ROBO2: variants seen among roughly 807,000 people sequenced by gnomAD.
ROBO2 encodes the protein roundabout homolog 2.
In ROBO2, 53 loss-of-function variants were observed where a neutral mutation model predicts 160.8. The ratio of observed to expected loss-of-function variants is 0.33; its 90% CI spans 0.26 to 0.41. ROBO2 has a LOEUF of 0.41. Ranked by LOEUF, ROBO2 falls within the 10% of genes least tolerant of loss-of-function variation. ROBO2 has a pLI of 1.00. For synonymous variants in ROBO2, 664 were observed against 611.7 expected (o/e 1.09, Z -1.26); for missense variants, 1,577 against 1,722.4 (o/e 0.92, Z 1.49).
At chr3:76,108,305 A>G (rs11918411) in intron 2 of ROBO2, among the ~76,000 whole-genome samples, 1 of 151,772 alleles carries the variant, frequency 6.6e-6, no homozygotes, top group Non-Finnish European at 1.5e-5. Flanking sequence ...TTTAGTTGTT[A>G]TTATTTAGCA....
intron 2 of ROBO2, among the ~76,000 whole-genome samples, chr3:75,979,645 G>A (rs2065224884): frequency 6.6e-6 from 1 of 151,512 alleles, no homozygotes. Flanking sequence ...TCCAAAATAA[G>A]TTGGGTGCTT....
intron 2 of ROBO2, among the ~76,000 whole-genome samples, chr3:76,144,317 C>T (rs187744974): frequency 6.6e-6 from 1 of 151,862 alleles, no homozygotes; most frequent in East Asian, 1.9e-4. Flanking sequence ...TGATAGGCCT[C>T]GATATTTGAA....
rs148615370 is a variant in ROBO2, at chr3:77,214,297, C to G, written c.388+115957C>G. Among the ~76,000 whole-genome samples, 180 of 152,246 alleles carry G rather than the reference C, an allele frequency of 1.2e-3. 2 individuals carry two copies. The highest frequency in any genetic ancestry group is 4.3e-3 in the African/African-American group (178 of 41,548). ...GTGCATATATATTTAGGACAGTTAG[C>G]TCTTCTTGTTGAATTGATCCCTTTC... On this transcript the variant is annotated intron_variant, in intron 2 of 25. Transcript: ENST00000461745.
chr3:76,749,024 G>A (rs2093937114), intron 2 of ROBO2, among the ~76,000 whole-genome samples: 1 of 151,314 alleles, frequency 6.6e-6, no homozygotes, highest in South Asian at 2.1e-4. Context: ...ATGCTATTAT[G>A]GTAGAATATT....
At chr3:77,551,907 G>T (rs1033860079) in intron 8 of ROBO2, among the ~76,000 whole-genome samples, 1 of 151,952 alleles carries the variant, frequency 6.6e-6, no homozygotes, top group Non-Finnish European at 1.5e-5. Flanking sequence ...TTTAATATCT[G>T]TTCATGGTAT....
At chr3:76,023,617 A>T (rs2066642091) in intron 2 of ROBO2, among the ~76,000 whole-genome samples, 1 of 151,636 alleles carries the variant, frequency 6.6e-6, no homozygotes, top group Non-Finnish European at 1.5e-5. Flanking sequence ...AACAATTACA[A>T]TAGTGACATA....
At chr3:76,643,201 A>G (rs533920496) in intron 2 of ROBO2, among the ~76,000 whole-genome samples, 59 of 152,316 alleles carry the variant, frequency 3.9e-4, no homozygotes, top group Middle Eastern at 3.4e-3. Flanking sequence ...TAGTAAAAAA[A>G]TGTAATTGTT....
chr3:77,380,939 C>CG (rs2073371821), intron 2 of ROBO2, among the ~76,000 whole-genome samples: 1 of 151,870 alleles, frequency 6.6e-6, no homozygotes, highest in Non-Finnish European at 1.5e-5. Flanking sequence ...TCTTTCTCCC[C>CG]GTGAAACTGG....
rs559199453 is a variant in ROBO2 at position 76,775,257 on chromosome 3, C to T, written c.110-322757C>T. Among the ~76,000 whole-genome samples the T allele has an allele frequency of 7.3e-5, 11 of 150,606 alleles. No individual in the cohort carries two copies. The South Asian group carries it at 1.9e-3, about 26-fold the overall frequency. On this transcript the variant is annotated intron_variant, in intron 2 of 26. Transcript: ENST00000487694. The stretch of plus-strand genomic sequence containing the variant: ...TACTGTTTTGACAGGCTTACTGTTG[C>T]GCATCTTGAAGTTATATAATTACCT...
At chr3:76,047,913 C>CA (rs1316335237) in intron 2 of ROBO2, among the ~76,000 whole-genome samples, 1 of 152,182 alleles carries the variant, frequency 6.6e-6, no homozygotes, top group African/African-American at 2.4e-5. Flanking sequence ...ATTGAAGTTA[C>CA]AACTTTGGAG....
At chr3:77,482,336 C>A (rs569333275) in intron 4 of ROBO2, among the ~76,000 whole-genome samples, 1 of 152,258 alleles carries the variant, frequency 6.6e-6, no homozygotes, top group South Asian at 2.1e-4. Context: ...CCCAGAGAAA[C>A]GTATTTTGCT....
At chr3:76,833,940 T>C (rs1050011370) in intron 2 of ROBO2, among the ~76,000 whole-genome samples, 2 of 142,430 alleles carry the variant, frequency 1.4e-5, no homozygotes, top group Non-Finnish European at 3.2e-5. Flanking sequence ...CTTCCTTCCT[T>C]CTTTTTTTCT....
At chr3:77,200,196 C>T (rs963735129) in intron 2 of ROBO2, among the ~76,000 whole-genome samples, 13 of 140,874 alleles carry the variant, frequency 9.2e-5, no homozygotes, top group African/African-American at 3.4e-4. Context: ...GTTTTTCCAA[C>T]ATTTTAAAAT....
intron 2 of ROBO2, among the ~76,000 whole-genome samples, chr3:76,195,621 C>T (rs141722529): frequency 6.6e-6 from 1 of 152,230 alleles, no homozygotes; most frequent in African/African-American, 2.4e-5. Context: ...GTTTAATAGG[C>T]ACATAAAGGA....
chr3:77,306,365 C>T (rs2063091751), intron 2 of ROBO2, among the ~76,000 whole-genome samples: 1 of 152,078 alleles, frequency 6.6e-6, no homozygotes, highest in South Asian at 2.1e-4. Context: ...CATTCATATA[C>T]ACCTTTTTAA....
chr3:76,197,005 G>A (rs1411534011), intron 2 of ROBO2, among the ~76,000 whole-genome samples: 7 of 152,230 alleles, frequency 4.6e-5, no homozygotes, highest in Admixed American at 4.6e-4. Flanking sequence ...TGCTTCTAGT[G>A]CAAATTGAAT....
At chr3:76,696,916 T>C (rs1287949570) in intron 2 of ROBO2, among the ~76,000 whole-genome samples, 1 of 152,332 alleles carries the variant, frequency 6.6e-6, no homozygotes, top group Non-Finnish European at 1.5e-5. Flanking sequence ...AATGATTTTT[T>C]CTGTTTGCAT....
intron 2 of ROBO2, among the ~76,000 whole-genome samples, chr3:76,559,538 C>T (rs1038682814): frequency 1.3e-5 from 2 of 152,066 alleles, no homozygotes; most frequent in African/African-American, 4.8e-5. Context: ...GAAGACGAGT[C>T]ACCATTTGGC....
chr3:77,353,204 C>G (rs2068590333), intron 2 of ROBO2, among the ~76,000 whole-genome samples: 1 of 152,146 alleles, frequency 6.6e-6, no homozygotes, highest in African/African-American at 2.4e-5. Context: ...AAGAAGTTTT[C>G]AAAGCTGTAC....
Sources: allele counts gnomAD v4.1 joint callset (sites outside exome capture counted in the v4.1 genomes callset), GRCh38; gene constraint gnomAD v4.1.1; transcripts MANE v1.5; gene names NCBI Gene and HGNC (gene_info 2026-07-23, HGNC 2026-07-21).